Variants in SLC20A2 observed in about 807,000 individuals in gnomAD.
The protein encoded by SLC20A2 is sodium-dependent phosphate transporter 2.
SLC20A2 carries 30 observed loss-of-function variants against 61.0 expected under a neutral mutation model. The ratio of observed to expected loss-of-function variants is 0.49; its 90% CI spans 0.37 to 0.67. The LOEUF (loss-of-function observed/expected upper bound fraction) is 0.67, where lower values mean the gene tolerates loss of function less well. Among genes scored for constraint, SLC20A2 ranks in the 30% least tolerant of loss-of-function variants. The pLI is 0.00. For synonymous variants in SLC20A2, 351 were observed against 353.3 expected (o/e 0.99, Z 0.07); for missense variants, 626 against 866.4 (o/e 0.72, Z 3.48).
chr8:42,493,326 A>G (rs1182585236), intron 1 of SLC20A2, among the ~76,000 whole-genome samples: 1 of 152,210 alleles, frequency 6.6e-6, no homozygotes, highest in Non-Finnish European at 1.5e-5. Flanking sequence ...GGGAGCCAGT[A>G]CTTTCTTAAA....
At chr8:42,527,176 C>T (rs374086215) in intron 1 of SLC20A2, among the ~76,000 whole-genome samples, 103 of 149,274 alleles carry the variant, frequency 6.9e-4, no homozygotes, top group African/African-American at 2.2e-3. Flanking sequence ...GAGGCGGAGG[C>T]GGGCAGATCA....
chr8:42,520,008 CTTTTTTTTT>C (rs557576151), intron 1 of SLC20A2, among the ~76,000 whole-genome samples: 2 of 102,670 alleles, frequency 1.9e-5, no homozygotes, highest in African/African-American at 7.8e-5. Context: ...TTATGCTAAT[CTTTTTTTTT>C]TTTTTTTTTT....
At chr8:42,512,752 T>C (rs1811102363) in intron 1 of SLC20A2, among the ~76,000 whole-genome samples, 1 of 152,264 alleles carries the variant, frequency 6.6e-6, no homozygotes, top group Non-Finnish European at 1.5e-5. Flanking sequence ...TTCTTGCCCT[T>C]CTTATTTAAA....
intron 1 of SLC20A2, chr8:42,537,821 G>C (rs1222423623): frequency 6.6e-6 from 1 of 152,150 alleles, no homozygotes; most frequent in Admixed American, 6.5e-5. Flanking sequence ...ATTTTTAAAA[G>C]AGCATCTCTT....
intron 1 of SLC20A2, among the ~76,000 whole-genome samples, chr8:42,508,927 C>T (rs780037996): frequency 5.9e-5 from 9 of 152,310 alleles, no homozygotes; most frequent in Middle Eastern, 3.4e-3. Context: ...GTGGCATCTG[C>T]AGCAAGGCTA....
At chr8:42,474,086 G>A (rs1382870754) in intron 1 of SLC20A2, among the ~76,000 whole-genome samples, 1 of 152,006 alleles carries the variant, frequency 6.6e-6, no homozygotes, top group Non-Finnish European at 1.5e-5. Context: ...CAGGAGAATC[G>A]CTTGAACCTG....
chr8:42,419,706 T>C, intron 10 of SLC20A2: 1 of 971,578 alleles, frequency 1.0e-6, no homozygotes, highest in South Asian at 4.8e-5. Flanking sequence ...TATAAATAGC[T>C]GTTAATGTAG....
intron 1 of SLC20A2, chr8:42,540,924 G>A (rs942344936): frequency 7.2e-5 from 11 of 152,232 alleles, no homozygotes; most frequent in African/African-American, 2.7e-4. Flanking sequence ...CACTGACAAT[G>A]CTATAGCATC....
intron 1 of SLC20A2, among the ~76,000 whole-genome samples, chr8:42,519,956 C>T (rs1204824867): frequency 1.3e-5 from 2 of 151,152 alleles, no homozygotes; most frequent in East Asian, 1.9e-4. Flanking sequence ...GAAATGTTGC[C>T]GGACATTAGT....
At chr8:42,466,821 A>G (rs1807208193) in intron 2 of SLC20A2, among the ~76,000 whole-genome samples, 1 of 151,880 alleles carries the variant, frequency 6.6e-6, no homozygotes, top group Non-Finnish European at 1.5e-5. Flanking sequence ...AGTGTGCACC[A>G]CCACACCTGG....
intron 2 of SLC20A2, among the ~76,000 whole-genome samples, chr8:42,466,638 GA>G (rs1807193686): frequency 6.6e-6 from 1 of 152,038 alleles, no homozygotes; most frequent in African/African-American, 2.4e-5. Context: ...CTATATAAGA[GA>G]GTATAATACC....
At chr8:42,499,797 G>A (rs1485275215) in intron 1 of SLC20A2, among the ~76,000 whole-genome samples, 1 of 152,160 alleles carries the variant, frequency 6.6e-6, no homozygotes, top group Non-Finnish European at 1.5e-5. Context: ...TGACATTAGA[G>A]GCTTCTGTTA....
intron 1 of SLC20A2, among the ~76,000 whole-genome samples, chr8:42,511,400 A>G (rs1054290643): frequency 5.9e-5 from 9 of 152,150 alleles, no homozygotes; most frequent in Non-Finnish European, 8.8e-5. Flanking sequence ...AGGCCAAGGC[A>G]GGCGGATCAC....
chr8:42,487,467 G>A (rs1019340486), intron 1 of SLC20A2, among the ~76,000 whole-genome samples: 25 of 152,118 alleles, frequency 1.6e-4, no homozygotes, highest in African/African-American at 5.1e-4. Flanking sequence ...GTGAGCCACC[G>A]TGCCCGGCCT....
intron 5 of SLC20A2, among the ~76,000 whole-genome samples, chr8:42,448,692 C>T (rs1233040386): frequency 6.6e-6 from 1 of 152,128 alleles, no homozygotes; most frequent in Non-Finnish European, 1.5e-5. Context: ...ACGCATCACC[C>T]AGGGGAAGTG....
intron 5 of SLC20A2, among the ~76,000 whole-genome samples, chr8:42,455,114 C>T (rs1182116965): frequency 6.7e-5 from 10 of 150,018 alleles, no homozygotes; most frequent in African/African-American, 9.8e-5. Flanking sequence ...TAGTCCCAGC[C>T]GCTTGGGAGG....
intron 5 of SLC20A2, among the ~76,000 whole-genome samples, chr8:42,445,278 C>T (rs1018739804): frequency 1.3e-5 from 2 of 151,214 alleles, no homozygotes; most frequent in African/African-American, 2.4e-5. Context: ...GGCAACAGAG[C>T]GAGACTCCAT....
chr8:42,502,645 T>C (rs1810396663), upstream of SLC20A2: 1 of 152,256 alleles, frequency 6.6e-6, no homozygotes, highest in East Asian at 1.9e-4. Context: ...TGAGGCTCTG[T>C]GCCAGCACCT....
chr8:42,450,931 C>T (rs1261551951), intron 5 of SLC20A2, among the ~76,000 whole-genome samples: 3 of 152,226 alleles, frequency 2.0e-5, no homozygotes, highest in African/African-American at 7.2e-5. Flanking sequence ...GGAGACTCTT[C>T]TCACCCCAGG....
Sources: gnomAD v4.1 joint callset for allele counts (sites outside exome capture counted in the v4.1 genomes callset) on GRCh38, gnomAD v4.1.1 for gene constraint, MANE v1.5 for transcripts, NCBI Gene and HGNC (gene_info 2026-07-23, HGNC 2026-07-21) for gene names.